COLEC12: variants seen among roughly 807,000 people sequenced by gnomAD.
The protein encoded by COLEC12 is collectin-12.
A neutral mutation model predicts 71.1 loss-of-function variants in COLEC12; 33 were observed. That is an observed-to-expected ratio of 0.46 (90% confidence interval 0.35 to 0.62). COLEC12 has a LOEUF of 0.62. Ranked by LOEUF, COLEC12 falls within the 20% of genes least tolerant of loss-of-function variation. The pLI, the probability that COLEC12 is intolerant of heterozygous loss-of-function variation, is 0.00. For missense variants in COLEC12, 765 were observed against 916.1 expected, an observed-to-expected ratio of 0.84 and a Z score of 2.13; for synonymous variants, 350 against 353.0, an observed-to-expected ratio of 0.99 and a Z score of 0.10.
At chr18:326,906 GT>G (rs949893524) in intron 8 of COLEC12, among the ~76,000 whole-genome samples, 3 of 152,132 alleles carry the variant, frequency 2.0e-5, no homozygotes, top group African/African-American at 7.2e-5. Context: ...CACAGTTAGG[GT>G]TGCTATGTTC....
intron 7 of COLEC12, 150 bp downstream of exon 7, chr18:332,857 G>A (rs1914014900): frequency 3.1e-6 from 2 of 640,620 alleles, no homozygotes; most frequent in Admixed American, 3.2e-5. Flanking sequence ...TCTAGCCACT[G>A]GATGAAACCC....
Position 439,567 on chromosome 18 carries a change from A to T in COLEC12, c.58+41140T>A, listed in dbSNP as rs973937925. Among the ~76,000 whole-genome samples, 27 of 151,340 alleles carry T rather than the reference A, an allele frequency of 1.8e-4. No individual in the cohort carries two copies. In the South Asian group the frequency reaches 5.6e-3, roughly 32 times the overall value. ...TTTAAAAAATTTATTTTAAAATTTT[A>T]AAAATAAGGTTATTGAAATATAATT... is the stretch of plus-strand genomic sequence containing the variant. On this transcript the variant is annotated intron_variant, in intron 2 of 9. Transcript: ENST00000400256.
chr18:318,799 G>T lies in COLEC12; in HGVS notation c.*1246C>A, dbSNP rs369813499. 2 of 152,168 alleles carry T rather than the reference G, an allele frequency of 1.3e-5. No individual in the cohort carries two copies. The highest frequency in any genetic ancestry group is 1.9e-4 in the East Asian group (1 of 5,184). The allele number at this position is 152,168 out of a possible 1,614,324, so 9.4% of individuals were successfully genotyped here. A position where few individuals can be genotyped will look rare whatever the true frequency, so the allele number is the denominator to read the frequency against. On this transcript the variant is annotated 3_prime_UTR_variant, in exon 10 of 10. Transcript: ENST00000400256. Reference sequence around the variant, plus strand: ...TGAGCCACTGCGCCCGGCTGGAAAGGTTCTTTTAAGAGTTCCACAAAGTGG... The same window carrying T: ...TGAGCCACTGCGCCCGGCTGGAAAGTTTCTTTTAAGAGTTCCACAAAGTGG...
intron 2 of COLEC12, among the ~76,000 whole-genome samples, chr18:468,456 A>G (rs1411538089): frequency 2.6e-5 from 4 of 152,170 alleles, no homozygotes; most frequent in African/African-American, 4.8e-5. Flanking sequence ...TCACATAGCT[A>G]GTTAATGCAT....
chr18:390,896 G>C (rs982401117), intron 2 of COLEC12, among the ~76,000 whole-genome samples: 1 of 151,658 alleles, frequency 6.6e-6, no homozygotes, highest in Non-Finnish European at 1.5e-5. Flanking sequence ...AAGCACACGG[G>C]CACAGGGACA....
chr18:484,135 C>CTTGTTTGT (rs202203639), intron 1 of COLEC12, among the ~76,000 whole-genome samples: 1 of 152,224 alleles, frequency 6.6e-6, no homozygotes, highest in African/African-American at 2.4e-5. Flanking sequence ...CTACCATTAG[C>CTTGTTTGT]TTGTTTGTTT....
At chr18:355,157 T>A (rs1207307171) in intron 3 of COLEC12, among the ~76,000 whole-genome samples, 1 of 152,038 alleles carries the variant, frequency 6.6e-6, no homozygotes, top group Non-Finnish European at 1.5e-5. Flanking sequence ...TAGGTGCTGG[T>A]GGGAGATATA....
At chr18:442,024 C>CT (rs1567909188) in intron 2 of COLEC12, among the ~76,000 whole-genome samples, 5 of 150,426 alleles carry the variant, frequency 3.3e-5, no homozygotes, top group Admixed American at 2.0e-4. Flanking sequence ...CACACACACA[C>CT]ACACACACAC....
intron 2 of COLEC12, among the ~76,000 whole-genome samples, chr18:469,940 G>A (rs1917160827): frequency 6.6e-6 from 1 of 151,886 alleles, no homozygotes; most frequent in Non-Finnish European, 1.5e-5. Context: ...TATTGATGTT[G>A]GCAAATAAAA....
chr18:371,718 A>G (rs1399222220), intron 2 of COLEC12, among the ~76,000 whole-genome samples: 1 of 152,176 alleles, frequency 6.6e-6, no homozygotes, highest in Non-Finnish European at 1.5e-5. Context: ...GATTGTAGGA[A>G]TGTCCCTGCC....
rs185301061 is a variant in COLEC12 at position 336,597 on chromosome 18, C to T, written c.1328-1367G>A. Among the ~76,000 whole-genome samples the T allele has an allele frequency of 3.6e-4, 55 of 152,174 alleles. No homozygotes were observed. The East Asian group carries it at 6.0e-3, about 17-fold the overall frequency. On this transcript the variant is annotated intron_variant, in intron 5 of 9. Transcript: ENST00000400256. ...ATTATGCCACCTGACCTTGCCTGTG[C>T]GGTAGAATTCTCATTGCATAAATGA...
At chr18:387,094 A>G (rs1246087244) in intron 2 of COLEC12, among the ~76,000 whole-genome samples, 2 of 152,168 alleles carry the variant, frequency 1.3e-5, no homozygotes, top group African/African-American at 4.8e-5. Flanking sequence ...CCAACACATG[A>G]TCTTTATGGC....
At chr18:455,518 G>A (rs1318067125) in intron 2 of COLEC12, among the ~76,000 whole-genome samples, 1 of 152,112 alleles carries the variant, frequency 6.6e-6, no homozygotes, top group Non-Finnish European at 1.5e-5. Flanking sequence ...TGGGATACAT[G>A]TGCAGAATGT....
chr18:321,300 C>T (rs113655818), intron 9 of COLEC12, among the ~76,000 whole-genome samples: 22 of 152,270 alleles, frequency 1.4e-4, no homozygotes, highest in African/African-American at 5.1e-4. Flanking sequence ...GTGATCTGCC[C>T]GCCTCCACCT....
chr18:389,610 T>C (rs1477681196), intron 2 of COLEC12, among the ~76,000 whole-genome samples: 1 of 151,404 alleles, frequency 6.6e-6, no homozygotes, highest in Non-Finnish European at 1.5e-5. Context: ...AAAAAAGATA[T>C]AGCACTATAT....
chr18:404,562 C>A (rs896878136), intron 2 of COLEC12, among the ~76,000 whole-genome samples: 1 of 152,112 alleles, frequency 6.6e-6, no homozygotes, highest in South Asian at 2.1e-4. Context: ...GGACCCCAAA[C>A]GGAGGGACCA....
At chr18:423,748 G>GT (rs144971783) in intron 2 of COLEC12, 11 of 151,370 alleles carry the variant, frequency 7.3e-5, no homozygotes, top group East Asian at 1.9e-4. Context: ...TTTTTTGTTT[G>GT]TTTTTTTTTG....
At chr18:347,811 T>C (rs569852772) in intron 4 of COLEC12, among the ~76,000 whole-genome samples, 1 of 152,356 alleles carries the variant, frequency 6.6e-6, no homozygotes, top group Non-Finnish European at 1.5e-5. Context: ...ATTTGTGTTT[T>C]TTTTCAGTCA....
chr18:419,396 G>A (rs1362223847), intron 2 of COLEC12, among the ~76,000 whole-genome samples: 1 of 152,124 alleles, frequency 6.6e-6, no homozygotes, highest in Non-Finnish European at 1.5e-5. Context: ...AGTAGAGAGG[G>A]GGTTTCACCA....
Sources: allele counts gnomAD v4.1 joint callset (sites outside exome capture counted in the v4.1 genomes callset), GRCh38; gene constraint gnomAD v4.1.1; transcripts MANE v1.5; gene names NCBI Gene and HGNC (gene_info 2026-07-23, HGNC 2026-07-21).